Variants in MIA2 observed in about 807,000 individuals in gnomAD.
MIA2 encodes melanoma inhibitory activity protein 2.
Under a neutral mutation model 167.8 loss-of-function variants are expected in MIA2, and 127 were observed. The observed-to-expected ratio is 0.76, with a 90% CI of 0.66 to 0.88. The LOEUF (loss-of-function observed/expected upper bound fraction) is 0.88, where lower values mean the gene tolerates loss of function less well. Ranked by LOEUF, MIA2 falls within the 40% of genes least tolerant of loss-of-function variation. The pLI, the probability that MIA2 is intolerant of heterozygous loss-of-function variation, is 0.00. For synonymous variants in MIA2, 552 were observed against 541.9 expected, an observed-to-expected ratio of 1.02 and a Z score of -0.26; for missense variants, 1,690 against 1,624.7, an observed-to-expected ratio of 1.04 and a Z score of -0.69.
intron 25 of MIA2, among the ~76,000 whole-genome samples, chr14:39,334,362 C>T (rs2069768260): frequency 6.6e-6 from 1 of 151,882 alleles, no homozygotes; most frequent in African/African-American, 2.4e-5. Flanking sequence ...GTAATCTCAG[C>T]TACTCGGGAG....
chr14:39,302,627 G>A (rs970676446), intron 15 of MIA2, among the ~76,000 whole-genome samples: 1 of 152,036 alleles, frequency 6.6e-6, no homozygotes, highest in Admixed American at 6.6e-5. Flanking sequence ...AAATACTTCA[G>A]GATACTTCTT....
rs1408294451 is a variant in MIA2, at chr14:39,238,706, G to C, written c.249+1651G>C. Reference sequence around the variant, plus strand: ...GTTACTTGAGAGGCTAAAGTGGGAGGATCGCTTGAGCCCAGAGGTAGAGGC... The same window carrying C: ...GTTACTTGAGAGGCTAAAGTGGGAGCATCGCTTGAGCCCAGAGGTAGAGGC... On this transcript the variant is annotated intron_variant, in intron 2 of 28. Coordinates refer to ENST00000640607, the MANE Select transcript of MIA2 (RefSeq NM_001329214.4). Among the ~76,000 whole-genome samples the C allele has an allele frequency of 3.4e-5, 5 of 146,312 alleles. No homozygotes were observed. The East Asian group carries it at 1.0e-3, about 30-fold the overall frequency.
At chr14:39,248,946 C>G (rs1015764169) in intron 4 of MIA2, among the ~76,000 whole-genome samples, 1 of 152,038 alleles carries the variant, frequency 6.6e-6, no homozygotes, top group Admixed American at 6.6e-5. Context: ...ACTATGTTGT[C>G]CATGGTGGTC....
At chr14:39,299,305 C>CTT (rs34424266) in intron 13 of MIA2, among the ~76,000 whole-genome samples, 1,410 of 94,956 alleles carry the variant, frequency 0.015, 123 homozygotes, top group African/African-American at 0.025. Flanking sequence ...AATGGTATTT[C>CTT]TTTTTTTTTT....
At chr14:39,352,437 TATAAA>T (rs2074413679), downstream of MIA2, among the ~76,000 whole-genome samples, 3 of 152,152 alleles carry the variant, frequency 2.0e-5, no homozygotes, top group Admixed American at 1.3e-4. Context: ...ATATATGCAA[TATAAA>T]ATGTGAATCC....
chr14:39,290,071 C>T (rs536763522), intron 9 of MIA2, among the ~76,000 whole-genome samples: 9 of 152,288 alleles, frequency 5.9e-5, no homozygotes, highest in African/African-American at 2.2e-4. Context: ...TTCTGGGGAG[C>T]AGAACATAGA....
intron 23 of MIA2, among the ~76,000 whole-genome samples, chr14:39,372,528 T>TACC (rs1460484123): frequency 2.6e-5 from 4 of 152,218 alleles, no homozygotes; most frequent in Non-Finnish European, 5.9e-5. Context: ...CTGTTCTGGG[T>TACC]ACCATATGTT....
At chr14:39,298,542 T>TTTTTTG (rs2061855589) in intron 13 of MIA2, among the ~76,000 whole-genome samples, 13 of 97,006 alleles carry the variant, frequency 1.3e-4, no homozygotes, top group Admixed American at 4.1e-4. Context: ...TTTTTTTTTT[T>TTTTTTG]TTTTTTTTTT....
intron 27 of MIA2, 78 bp downstream of exon 27, chr14:39,347,849 T>G: frequency 7.5e-7 from 1 of 1,327,932 alleles, no homozygotes; most frequent in Non-Finnish European, 1.0e-6. Flanking sequence ...TTTATGGAGT[T>G]TCACTATTGT....
chr14:39,252,819 G>C lies in MIA2; in HGVS notation c.1639G>C (p.Asp547His), dbSNP rs10134365. The change falls in exon 5 of 29, where the codon GAT becomes CAT. Residue 547 changes from aspartate to histidine, a missense_variant. Asp to His is a moderately conservative substitution (Grantham distance 81). Transcript: ENST00000640607. ...EVYFEPSSSK[D>H]SDENSKPSVD... ...ATATTTTGAACCCTCATCTTCTAAA[G>C]ATAGTGATGAAAATTCGAAACCATC... 354,229 of 1,613,084 alleles carry C rather than the reference G, an allele frequency of 0.22. 42,827 individuals carry two copies. The highest frequency in any genetic ancestry group is 0.49 in the East Asian group (21,847 of 44,842).
intron 6 of MIA2, among the ~76,000 whole-genome samples, chr14:39,262,236 G>T (rs545990275): frequency 6.6e-6 from 1 of 152,256 alleles, no homozygotes; most frequent in East Asian, 1.9e-4. Flanking sequence ...TCTACATATG[G>T]CTAGCAGTTT....
intron 25 of MIA2, among the ~76,000 whole-genome samples, chr14:39,344,515 C>T (rs565825668): frequency 6.6e-5 from 10 of 152,256 alleles, no homozygotes; most frequent in Admixed American, 3.3e-4. Flanking sequence ...TCACATCTCC[C>T]GACCATTGGG....
chr14:39,379,493 AAAAC>A (rs1368235363), intron 23 of MIA2, among the ~76,000 whole-genome samples: 2 of 152,254 alleles, frequency 1.3e-5, no homozygotes, highest in East Asian at 1.9e-4. Context: ...CCCGTCGTAC[AAAAC>A]AAACAACGCA....
chr14:39,311,466 C>CTTTTTTTTTTTT (rs35478238), intron 18 of MIA2, among the ~76,000 whole-genome samples: 1 of 43,322 alleles, frequency 2.3e-5, no homozygotes, highest in Non-Finnish European at 4.0e-5. Flanking sequence ...TGATGTGTTG[C>CTTTTTTTTTTTT]TTTTTTTTTT....
intron 10 of MIA2, among the ~76,000 whole-genome samples, chr14:39,291,826 A>G (rs1476562506): frequency 1.3e-5 from 2 of 152,224 alleles, no homozygotes; most frequent in Non-Finnish European, 2.9e-5. Flanking sequence ...AGATTAGGGT[A>G]AGTGATGGGA....
chr14:39,380,667 T>TG lies in MIA2; in HGVS notation c.2249-6216dup, dbSNP rs533073945. On this transcript the variant is annotated intron_variant, in intron 23 of 23. Coordinates refer to the MIA2 transcript ENST00000341502. ...GAGATCGCACCACTGCACTCCAGCC[T>TG]GGCGACAGAGCGAGACTCAGACTCA... is the stretch of plus-strand genomic sequence containing the variant. 9.7e-5 allele frequency among the ~76,000 whole-genome samples: 12 copies of TG among 123,846 alleles called. No individual in the cohort carries two copies. The South Asian group carries it at 2.1e-3, about 22-fold the overall frequency. 81.2% of individuals were successfully genotyped at this position (123,846 alleles called of 152,430 possible).
chr14:39,372,515 G>C (rs1299271196), intron 23 of MIA2, among the ~76,000 whole-genome samples: 1 of 152,116 alleles, frequency 6.6e-6, no homozygotes. Context: ...GGAAAACTTT[G>C]TTCTGTTCTG....
At chr14:39,300,346 ATATCTT>A (rs2062188701) in intron 14 of MIA2, among the ~76,000 whole-genome samples, 1 of 152,142 alleles carries the variant, frequency 6.6e-6, no homozygotes. Context: ...TATTAATTGA[ATATCTT>A]TAATGTAACT....
chr14:39,358,523 G>T (rs995772321), intron 23 of MIA2, among the ~76,000 whole-genome samples: 1 of 152,128 alleles, frequency 6.6e-6, no homozygotes, highest in Non-Finnish European at 1.5e-5. Context: ...GCTTGGAGAA[G>T]TTTGATTGTC....
Sources: gnomAD v4.1 joint callset for allele counts (sites outside exome capture counted in the v4.1 genomes callset) on GRCh38, gnomAD v4.1.1 for gene constraint, MANE v1.5 for transcripts, NCBI Gene and HGNC (gene_info 2026-07-23, HGNC 2026-07-21) for gene names.